ARHGEF3: variants seen among roughly 807,000 people sequenced by gnomAD.
ARHGEF3 encodes the protein Rho guanine nucleotide exchange factor 3, also known as 59.8 kDA protein.
A neutral mutation model predicts 63.2 loss-of-function variants in ARHGEF3; 28 were observed. The ratio of observed to expected loss-of-function variants is 0.44; its 90% CI spans 0.33 to 0.61. The LOEUF (loss-of-function observed/expected upper bound fraction) is 0.61, where lower values mean the gene tolerates loss of function less well. Ranked by LOEUF, ARHGEF3 falls within the 20% of genes least tolerant of loss-of-function variation. The probability of loss-of-function intolerance (pLI) is 0.03; values close to 1 mark genes in which losing one functional copy is unlikely to be tolerated. For missense variants in ARHGEF3, 533 were observed against 659.3 expected (o/e 0.81, Z 2.10); for synonymous variants, 266 against 254.2 (o/e 1.05, Z -0.44).
chr3:56,966,242 A>G (rs1188940644), intron 2 of ARHGEF3, among the ~76,000 whole-genome samples: 1 of 152,204 alleles, frequency 6.6e-6, no homozygotes, highest in East Asian at 1.9e-4. Flanking sequence ...AAATATGACT[A>G]AATGTTGGAT....
chr3:57,054,894 C>T (rs1489682622), intron 1 of ARHGEF3, among the ~76,000 whole-genome samples: 2 of 151,514 alleles, frequency 1.3e-5, no homozygotes, highest in Non-Finnish European at 1.5e-5. Flanking sequence ...CATGATCTGC[C>T]CACCCTGGCC....
In ARHGEF3 at chr3:56,968,246, TAA is replaced by T. The variant is rs1684117634; in HGVS notation, c.63-9359_63-9358del. Among the ~76,000 whole-genome samples the T allele has an allele frequency of 1.5e-4, 6 of 41,274 alleles. 1 individual carries two copies. The highest frequency in any genetic ancestry group is 5.0e-4 in the Admixed American group (1 of 2,000). The allele number at this position is 41,274 out of a possible 152,430, so 27.1% of individuals were successfully genotyped here. A position where few individuals can be genotyped will look rare whatever the true frequency, so the allele number is the denominator to read the frequency against. On this transcript the variant is annotated intron_variant, in intron 2 of 12. Coordinates refer to the ARHGEF3 transcript ENST00000338458. ...ATAATATATATATAAATATATATAT[TAA>T]TATATAATATTTAAATATATAATAT...
At chr3:56,876,164 A>C (rs2040579887) in intron 4 of ARHGEF3, among the ~76,000 whole-genome samples, 1 of 152,172 alleles carries the variant, frequency 6.6e-6, no homozygotes, top group Non-Finnish European at 1.5e-5. Flanking sequence ...TTGAAAGAAA[A>C]CCAGCATGGT....
rs746793652 is a variant in ARHGEF3, at chr3:56,755,180, G to T, written c.205-29C>A. The T allele has an allele frequency of 1.9e-6, 3 of 1,607,214 alleles. No individual in the cohort carries two copies. The African/African-American group carries it at 4.0e-5, about 21-fold the overall frequency. On this transcript the variant is annotated intron_variant, in intron 2 of 9. Coordinates refer to ENST00000296315, the MANE Select transcript of ARHGEF3 (RefSeq NM_019555.3). ...AACAATGAGAAAAACAAACCATCAC[G>T]GGGGCAGCGGCAGGACTGGGTGGAT...
chr3:56,987,905 CTG>C (rs1701605570), intron 2 of ARHGEF3, among the ~76,000 whole-genome samples: 1 of 152,190 alleles, frequency 6.6e-6, no homozygotes, highest in African/African-American at 2.4e-5. Context: ...CAGAGATGCA[CTG>C]TGTCTTGTGT....
chr3:57,060,835 C>T (rs1441915582), intron 1 of ARHGEF3: 2 of 148,216 alleles, frequency 1.3e-5, no homozygotes, highest in Non-Finnish European at 3.0e-5. Context: ...CACACACACA[C>T]ACATGGGCAC....
At position 57,042,683 on chromosome 3, in the gene ARHGEF3, TATATATATATA is replaced by T. The variant is rs1267842711; in HGVS notation, c.-27-7518_-27-7508del. ...ATATATATATATATATATATATATA[TATATATATATA>T]TATATATTTTTTTTTTTTTTTAGAC... On this transcript the variant is annotated intron_variant, in intron 1 of 12. Coordinates refer to the ARHGEF3 transcript ENST00000338458. Among the ~76,000 whole-genome samples, 87 of 40,340 alleles carry T rather than the reference TATATATATATA, an allele frequency of 2.2e-3. 5 individuals carry two copies. The highest frequency in any genetic ancestry group is 7.1e-3 in the African/African-American group (45 of 6,378). The allele number at this position is 40,340 out of a possible 152,430, so 26.5% of individuals were successfully genotyped here. A position where few individuals can be genotyped will look rare whatever the true frequency, so the allele number is the denominator to read the frequency against.
At chr3:56,804,956 T>C (rs2037808233), upstream of ARHGEF3, among the ~76,000 whole-genome samples, 1 of 152,140 alleles carries the variant, frequency 6.6e-6, no homozygotes, top group African/African-American at 2.4e-5. Flanking sequence ...GAGCCACTTC[T>C]TATTCCTCTT....
intron 1 of ARHGEF3, 141 bp downstream of exon 1, chr3:56,801,562 T>C (rs1355245990): frequency 1.1e-5 from 12 of 1,128,746 alleles, no homozygotes; most frequent in African/African-American, 1.6e-5. Flanking sequence ...GGGAGAGATG[T>C]AGAGAGAGAA....
intron 1 of ARHGEF3, chr3:56,775,537 A>G: frequency 1.0e-6 from 1 of 986,826 alleles, no homozygotes; most frequent in Non-Finnish European, 1.2e-6. Flanking sequence ...CAGACAGCAG[A>G]AAACTCTCAG....
intron 2 of ARHGEF3, among the ~76,000 whole-genome samples, chr3:56,999,994 T>C (rs1702125607): frequency 6.6e-6 from 1 of 152,194 alleles, no homozygotes; most frequent in South Asian, 2.1e-4. Context: ...ACTAGCTGTG[T>C]GGCCTTGGGC....
Position 56,732,326 on chromosome 3 carries a change from G to A in ARHGEF3, c.1140C>T (p.Pro380=), listed in dbSNP as rs745530314. 42 of 1,614,054 alleles carry A rather than the reference G, an allele frequency of 2.6e-5. No individual in the cohort carries two copies. The highest frequency in any genetic ancestry group is 2.0e-4 in the East Asian group (9 of 44,890). ...GGTCTTCCAGCAGGAGGTCTTTCAC[G>A]GGGATTGGCTGACGGTACAGCTGGT... The part of the protein sequence containing the change: ...LCYQLYRQPI[P]VKDLLLEDLQ... Residue 380 remains proline (P), a synonymous_variant, in exon 9 of 10, where the codon CCC becomes CCT. Transcript: ENST00000296315.
At chr3:56,751,706 A>G (rs1331281514) in intron 4 of ARHGEF3, among the ~76,000 whole-genome samples, 1 of 152,206 alleles carries the variant, frequency 6.6e-6, no homozygotes, top group Non-Finnish European at 1.5e-5. Flanking sequence ...AAATGTTTTC[A>G]AAATCAAGAT....
intron 2 of ARHGEF3, among the ~76,000 whole-genome samples, chr3:57,021,051 T>C (rs1490117844): frequency 6.6e-6 from 1 of 152,230 alleles, no homozygotes; most frequent in East Asian, 1.9e-4. Flanking sequence ...AGTATTACTC[T>C]AAGCCACAGG....
intron 4 of ARHGEF3, among the ~76,000 whole-genome samples, chr3:56,842,461 T>C (rs1436305162): frequency 6.6e-6 from 1 of 152,230 alleles, no homozygotes; most frequent in East Asian, 1.9e-4. Context: ...GAATCCATAC[T>C]AGCTTCTATA....
chr3:56,822,921 T>C (rs945859317), intron 4 of ARHGEF3, among the ~76,000 whole-genome samples: 2 of 151,866 alleles, frequency 1.3e-5, no homozygotes, highest in African/African-American at 4.8e-5. Flanking sequence ...GTTATGTTGT[T>C]TTTATTAAAA....
At chr3:56,755,184 G>T in intron 2 of ARHGEF3, 33 bp from the exon 3 acceptor site, 1 of 1,605,690 alleles carries the variant, frequency 6.2e-7, no homozygotes, top group Non-Finnish European at 8.5e-7. Context: ...CATCACGGGG[G>T]CAGCGGCAGG....
At chr3:56,842,409 C>A (rs539984622) in intron 4 of ARHGEF3, among the ~76,000 whole-genome samples, 1 of 152,268 alleles carries the variant, frequency 6.6e-6, no homozygotes, top group Admixed American at 6.5e-5. Context: ...GCTCTAATGC[C>A]ATTTCTTCTA....
At chr3:56,859,712 T>C in intron 4 of ARHGEF3, among the ~76,000 whole-genome samples, 1 of 151,516 alleles carries the variant, frequency 6.6e-6, no homozygotes, top group South Asian at 2.1e-4. Flanking sequence ...TTTTTTTTTT[T>C]TTTTAAGTTA....
Sources: gnomAD v4.1 joint callset for allele counts (sites outside exome capture counted in the v4.1 genomes callset) on GRCh38, gnomAD v4.1.1 for gene constraint, MANE v1.5 for transcripts, NCBI Gene and HGNC (gene_info 2026-07-23, HGNC 2026-07-21) for gene names.